The following CNBD1 variants were observed in gnomAD, a reference collection of about 807,000 sequenced individuals.
CNBD1 encodes cyclic nucleotide-binding domain-containing protein 1.
CNBD1 carries 71 observed loss-of-function variants against 54.4 expected under a neutral mutation model. The ratio of observed to expected loss-of-function variants is 1.30; its 90% CI spans 1.08 to 1.59. The LOEUF (loss-of-function observed/expected upper bound fraction) is 1.59. Ranked by LOEUF, CNBD1 falls within the 40% of genes most tolerant of loss-of-function variation. The pLI, the probability that CNBD1 is intolerant of heterozygous loss-of-function variation, is 0.00. For missense variants in CNBD1, 659 were observed against 518.0 expected (o/e 1.27, Z -2.64); for synonymous variants, 182 against 170.7 (o/e 1.07, Z -0.51).
intron 10 of CNBD1, among the ~76,000 whole-genome samples, chr8:87,364,012 T>C (rs1810582298): frequency 6.6e-6 from 1 of 151,850 alleles, no homozygotes; most frequent in Admixed American, 6.6e-5. Context: ...GACAAATCTT[T>C]GACAACCATT....
At chr8:87,281,126 C>T (rs1484569521) in intron 6 of CNBD1, among the ~76,000 whole-genome samples, 1 of 151,588 alleles carries the variant, frequency 6.6e-6, no homozygotes, top group Non-Finnish European at 1.5e-5. Flanking sequence ...CAACTGTAAT[C>T]ATCTGCTGTA....
chr8:87,166,231 T>C lies in CNBD1; in HGVS notation c.432-39762T>C, dbSNP rs745614371. Among the ~76,000 whole-genome samples, 11 of 151,962 alleles carry C rather than the reference T, an allele frequency of 7.2e-5. No homozygotes were observed. Among genetic ancestry groups the C allele is most frequent in the Non-Finnish European group, 1.3e-4 (9 of 67,914 alleles). ...ACCTAAGCATCATACTTGATGCTCA[T>C]ACATTCTGTCCCTTTTACACCACTG... On this transcript the variant is annotated intron_variant, in intron 4 of 10. Transcript: ENST00000518476. This position sits in a 1 kb window ranked among gnomAD's most constrained non-coding sequence, Gnocchi z 4.3.
At chr8:87,329,902 G>T (rs1208443594) in intron 8 of CNBD1, among the ~76,000 whole-genome samples, 1 of 151,876 alleles carries the variant, frequency 6.6e-6, no homozygotes, top group Non-Finnish European at 1.5e-5. Context: ...TTGTTTTACT[G>T]CATTAGCTAG....
intron 2 of CNBD1, among the ~76,000 whole-genome samples, chr8:87,401,750 T>TA (rs1286786822): frequency 7.2e-5 from 11 of 152,010 alleles, no homozygotes; most frequent in East Asian, 1.9e-4. Context: ...ATGGATTTTT[T>TA]AAAAAAATTT....
intron 8 of CNBD1, among the ~76,000 whole-genome samples, chr8:87,344,630 AT>A (rs1346233181): frequency 2.0e-5 from 3 of 151,972 alleles, no homozygotes; most frequent in Non-Finnish European, 4.4e-5. Flanking sequence ...GACTACTTTA[AT>A]GTAAACCAAG....
chr8:86,925,424 C>A (rs1034010857), intron 3 of CNBD1, among the ~76,000 whole-genome samples: 2 of 151,346 alleles, frequency 1.3e-5, no homozygotes, highest in African/African-American at 4.9e-5. Flanking sequence ...TAGAAAGAGT[C>A]TGTATATTAC....
chr8:87,114,437 G>A (rs938466868), intron 4 of CNBD1, among the ~76,000 whole-genome samples: 5 of 152,038 alleles, frequency 3.3e-5, no homozygotes, highest in Non-Finnish European at 5.9e-5. Flanking sequence ...TACAACCTCC[G>A]CCTCCCAGGT....
intron 4 of CNBD1, among the ~76,000 whole-genome samples, chr8:87,173,181 A>T (rs1479182447): frequency 6.6e-6 from 1 of 152,184 alleles, no homozygotes. Flanking sequence ...CACTACACTT[A>T]TCTTTGTCTT....
At chr8:87,025,690 G>A (rs948167974) in intron 4 of CNBD1, among the ~76,000 whole-genome samples, 6 of 152,178 alleles carry the variant, frequency 3.9e-5, no homozygotes, top group African/African-American at 1.4e-4. Flanking sequence ...AGACAACTCC[G>A]GACAGGCAAC....
rs898192213 is a variant in CNBD1, at chr8:87,129,914, G to A, written c.432-76079G>A. On this transcript the variant is annotated intron_variant, in intron 4 of 10. Coordinates refer to ENST00000518476, the MANE Select transcript of CNBD1 (RefSeq NM_173538.3). ...AGGTTTAATTGACCTACAGATTCAC[G>A]TGGCTGGGGAAGCCTCACAATCATG... Among the ~76,000 whole-genome samples, 3 of 152,248 alleles carry A rather than the reference G, an allele frequency of 2.0e-5. No individual in the cohort carries two copies. In the South Asian group the frequency reaches 6.2e-4, roughly 31 times the overall value.
intron 4 of CNBD1, among the ~76,000 whole-genome samples, chr8:87,069,747 T>G (rs1296812917): frequency 6.6e-6 from 1 of 152,160 alleles, no homozygotes; most frequent in Non-Finnish European, 1.5e-5. Context: ...TTGTAAATTT[T>G]TAGTGCTTCT....
At chr8:87,241,085 C>CT (rs1220841927) in intron 6 of CNBD1, among the ~76,000 whole-genome samples, 7 of 152,064 alleles carry the variant, frequency 4.6e-5, no homozygotes, top group African/African-American at 1.4e-4. Context: ...CTTCAGGACT[C>CT]TAAAAATTGT....
At chr8:87,099,748 G>A (rs1811392087) in intron 4 of CNBD1, among the ~76,000 whole-genome samples, 1 of 152,194 alleles carries the variant, frequency 6.6e-6, no homozygotes, top group Admixed American at 6.5e-5. Context: ...AAGGTTAAGA[G>A]TTCAGATTTT....
chr8:86,933,390 T>C (rs918369369), intron 3 of CNBD1, among the ~76,000 whole-genome samples: 1 of 152,102 alleles, frequency 6.6e-6, no homozygotes, highest in African/African-American at 2.4e-5. Flanking sequence ...TACATACATA[T>C]AATGAAATCT....
chr8:86,873,776 G>A (rs1283526317), intron 1 of CNBD1, among the ~76,000 whole-genome samples: 2 of 152,010 alleles, frequency 1.3e-5, no homozygotes, highest in African/African-American at 2.4e-5. Flanking sequence ...GTCAGTATGT[G>A]AGAAATATTA....
At chr8:86,932,766 G>C (rs1468011882) in intron 3 of CNBD1, among the ~76,000 whole-genome samples, 1 of 151,912 alleles carries the variant, frequency 6.6e-6, no homozygotes, top group Non-Finnish European at 1.5e-5. Flanking sequence ...TCATTTCAAG[G>C]GTGAGCTTCT....
chr8:87,349,434 G>A (rs1208637016), intron 8 of CNBD1, among the ~76,000 whole-genome samples: 3 of 152,122 alleles, frequency 2.0e-5, no homozygotes, highest in Admixed American at 6.6e-5. Flanking sequence ...GGAGTGCAGT[G>A]TCATGAGCTC....
chr8:86,882,793 G>A (rs1808624019), intron 1 of CNBD1, among the ~76,000 whole-genome samples: 1 of 152,160 alleles, frequency 6.6e-6, no homozygotes, highest in South Asian at 2.1e-4. Flanking sequence ...ATGATAGACT[G>A]GGTAAAGAAA....
intron 4 of CNBD1, among the ~76,000 whole-genome samples, chr8:87,189,597 GT>G (rs541989856): frequency 2.4e-4 from 36 of 152,068 alleles, no homozygotes; most frequent in Admixed American, 2.1e-3. Flanking sequence ...ATTATAAGAG[GT>G]TTTTTAAGCT....
Sources: allele counts gnomAD v4.1 joint callset (sites outside exome capture counted in the v4.1 genomes callset), GRCh38; gene constraint gnomAD v4.1.1; non-coding constraint Gnocchi (gnomAD v3.1); transcripts MANE v1.5; gene names NCBI Gene and HGNC (gene_info 2026-07-23, HGNC 2026-07-21).